FGGY: variants seen among roughly 807,000 people sequenced by gnomAD.
FGGY encodes FGGY carbohydrate kinase domain-containing protein.
Under a neutral mutation model 71.3 loss-of-function variants are expected in FGGY, and 72 were observed. The ratio of observed to expected loss-of-function variants is 1.01; its 90% CI spans 0.84 to 1.23. FGGY has a LOEUF of 1.23. Among genes scored for constraint, FGGY ranks in the 50% most tolerant of loss-of-function variants. FGGY has a pLI of 0.00. For missense variants in FGGY, 668 were observed against 682.3 expected, an observed-to-expected ratio of 0.98 and a Z score of 0.23; for synonymous variants, 251 against 250.3, an observed-to-expected ratio of 1.00 and a Z score of -0.02.
At chr1:59,351,056 T>A (rs1364998398) in intron 4 of FGGY, among the ~76,000 whole-genome samples, 2 of 152,204 alleles carry the variant, frequency 1.3e-5, no homozygotes, top group African/African-American at 4.8e-5. Flanking sequence ...TAAGAAAGAA[T>A]CAAAAGGATG....
intron 14 of FGGY, among the ~76,000 whole-genome samples, chr1:59,711,131 G>A (rs1172969384): frequency 6.6e-6 from 1 of 152,186 alleles, no homozygotes; most frequent in Admixed American, 6.5e-5. Context: ...ATGAGTTCAT[G>A]TCCTTCGCAG....
chr1:59,645,922 C>T (rs2097090085), intron 11 of FGGY, among the ~76,000 whole-genome samples: 1 of 152,226 alleles, frequency 6.6e-6, no homozygotes, highest in South Asian at 2.1e-4. Flanking sequence ...GCGTATGCTA[C>T]TCAAACTGCT....
At chr1:59,556,161 A>G (rs77426961) in intron 8 of FGGY, among the ~76,000 whole-genome samples, 213 of 152,320 alleles carry the variant, frequency 1.4e-3, no homozygotes, top group African/African-American at 4.9e-3. Flanking sequence ...ATATGAGTCT[A>G]CACTTGTTAG....
chr1:59,650,358 T>C (rs1214052225), intron 11 of FGGY, among the ~76,000 whole-genome samples: 3 of 129,070 alleles, frequency 2.3e-5, no homozygotes, highest in East Asian at 4.1e-4. Flanking sequence ...TGGTAGAATT[T>C]GGCTGTGAAT....
chr1:59,592,095 A>G (rs1403518667), intron 8 of FGGY, among the ~76,000 whole-genome samples: 1 of 152,244 alleles, frequency 6.6e-6, no homozygotes, highest in Non-Finnish European at 1.5e-5. Context: ...ATTTACAAGA[A>G]AAAGCAACCC....
At position 59,327,336 on chromosome 1, in the gene FGGY, T is replaced by C. The variant is rs2047624429; in HGVS notation, c.201+5586T>C. Among the ~76,000 whole-genome samples, 3 of 152,324 alleles carry C rather than the reference T, an allele frequency of 2.0e-5. No individual in the cohort carries two copies. In the South Asian group the frequency reaches 6.2e-4, roughly 32 times the overall value. Reference sequence around the variant, plus strand: ...ATTTCAACATTGTTCATATCATCTTTATCAGAAGTAGATTCCATCTCAAGA... The same window carrying C: ...ATTTCAACATTGTTCATATCATCTTCATCAGAAGTAGATTCCATCTCAAGA... On this transcript the variant is annotated intron_variant, in intron 2 of 15. Transcript: ENST00000303721.
intron 2 of FGGY, among the ~76,000 whole-genome samples, chr1:59,337,018 T>TTTATATATATATATTTATATGTATATAG: frequency 7.0e-6 from 1 of 143,252 alleles, no homozygotes; most frequent in African/African-American, 2.7e-5. Context: ...TATGTATATA[T>TTTATATATATATATTTATATGTATATAG]TCATATATAT....
chr1:59,557,134 G>A (rs116225557), intron 8 of FGGY, among the ~76,000 whole-genome samples: 1 of 152,138 alleles, frequency 6.6e-6, no homozygotes, highest in African/African-American at 2.4e-5. Context: ...AGAGGTGCAG[G>A]TCTGAGGAAA....
At position 59,682,806 on chromosome 1, in the gene FGGY, G is replaced by A. The variant is rs143571042; in HGVS notation, c.1512+8673G>A. On this transcript the variant is annotated intron_variant, in intron 14 of 15. Coordinates refer to ENST00000303721, the MANE Select transcript of FGGY (RefSeq NM_018291.5). ...CACCCACCCTGGACTATTCAGAGCGGTCTGCAGACTAGAGGGCAGTCTCTA... is the reference window on the plus strand; with the variant it reads ...CACCCACCCTGGACTATTCAGAGCGATCTGCAGACTAGAGGGCAGTCTCTA... Among the ~76,000 whole-genome samples the A allele has an allele frequency of 8.5e-5, 13 of 152,340 alleles. No individual in the cohort carries two copies. The East Asian group carries it at 2.5e-3, about 29-fold the overall frequency.
At chr1:59,587,905 G>T (rs2153779388) in intron 8 of FGGY, among the ~76,000 whole-genome samples, 1 of 152,312 alleles carries the variant, frequency 6.6e-6, no homozygotes, top group Admixed American at 6.5e-5. Context: ...CTCCTCCAAA[G>T]GATCGCAGTT....
intron 8 of FGGY, among the ~76,000 whole-genome samples, chr1:59,590,547 C>T (rs1054006419): frequency 2.0e-5 from 3 of 152,218 alleles, no homozygotes; most frequent in African/African-American, 7.2e-5. Flanking sequence ...CAATAAAATA[C>T]TGGCAAACCG....
chr1:59,679,467 G>T (rs146699792), intron 14 of FGGY, among the ~76,000 whole-genome samples: 19 of 151,824 alleles, frequency 1.3e-4, no homozygotes, highest in African/African-American at 4.3e-4. Flanking sequence ...CCATTTCTCG[G>T]TGCATTCAAT....
chr1:59,588,378 T>C (rs1164252081), intron 8 of FGGY, among the ~76,000 whole-genome samples: 2 of 151,922 alleles, frequency 1.3e-5, no homozygotes, highest in African/African-American at 2.4e-5. Context: ...CTGCAGGATA[T>C]TATCCAGGAG....
intron 4 of FGGY, among the ~76,000 whole-genome samples, chr1:59,368,464 C>A (rs913338380): frequency 2.6e-5 from 4 of 152,166 alleles, no homozygotes; most frequent in African/African-American, 7.2e-5. Context: ...GGGCTAAGCC[C>A]TTGTGGTCTG....
At chr1:59,582,500 A>C (rs2096212702) in intron 8 of FGGY, among the ~76,000 whole-genome samples, 1 of 149,546 alleles carries the variant, frequency 6.7e-6, no homozygotes, top group Non-Finnish European at 1.5e-5. Flanking sequence ...TCTGTCCTTC[A>C]TCTGTGGCAT....
chr1:59,533,803 A>G (rs989980363), intron 7 of FGGY, among the ~76,000 whole-genome samples: 6 of 152,228 alleles, frequency 3.9e-5, no homozygotes, highest in Non-Finnish European at 7.3e-5. Flanking sequence ...ACAAACAGAA[A>G]GGACATCCAC....
chr1:59,566,445 G>T lies in FGGY; in HGVS notation c.903+12218G>T, dbSNP rs148919339. Among the ~76,000 whole-genome samples the T allele has an allele frequency of 7.6e-4, 115 of 152,226 alleles. No homozygotes were observed. In the East Asian group the frequency reaches 0.021, roughly 28 times the overall value. ...AAAGTACTCTTAAGAGCTGTCAGAA[G>T]TTTGAGGTAGTTTCTACTCTTTCAC... On this transcript the variant is annotated intron_variant, in intron 8 of 15. Coordinates refer to ENST00000303721, the MANE Select transcript of FGGY (RefSeq NM_018291.5).
intron 14 of FGGY, among the ~76,000 whole-genome samples, chr1:59,728,174 C>T (rs993492477): frequency 1.3e-5 from 2 of 151,946 alleles, no homozygotes; most frequent in Admixed American, 6.6e-5. Context: ...CATTTTCTCT[C>T]CTCTCTTAGC....
At chr1:59,348,415 T>G (rs562932387) in intron 4 of FGGY, among the ~76,000 whole-genome samples, 1 of 152,170 alleles carries the variant, frequency 6.6e-6, no homozygotes, top group Admixed American at 6.5e-5. Context: ...GTGGCTCCCA[T>G]TTCCAGATGT....
Sources: allele counts gnomAD v4.1 joint callset (sites outside exome capture counted in the v4.1 genomes callset), GRCh38; gene constraint gnomAD v4.1.1; transcripts MANE v1.5; gene names NCBI Gene and HGNC (gene_info 2026-07-23, HGNC 2026-07-21).